Variants in NCOA2 observed in about 807,000 individuals in gnomAD.
NCOA2 encodes the protein nuclear receptor coactivator 2.
Under a neutral mutation model 145.1 loss-of-function variants are expected in NCOA2, and 21 were observed. The observed-to-expected ratio is 0.14, with a 90% CI of 0.10 to 0.21. The LOEUF (loss-of-function observed/expected upper bound fraction) is 0.21, where lower values mean the gene tolerates loss of function less well. NCOA2 is among the 10% of genes least tolerant of loss of function. The pLI is 1.00. For synonymous variants in NCOA2, 619 were observed against 637.5 expected (o/e 0.97, Z 0.44); for missense variants, 1,472 against 1,837.6 (o/e 0.80, Z 3.64).
intron 2 of NCOA2, among the ~76,000 whole-genome samples, chr8:70,269,940 C>T (rs1411870345): frequency 6.6e-6 from 1 of 152,164 alleles, no homozygotes; most frequent in Non-Finnish European, 1.5e-5. Context: ...CTTTAATTGA[C>T]TAACGGCAAC....
At chr8:70,425,659 C>T in the NCOA2 span, among the ~76,000 whole-genome samples, 1 of 152,340 alleles carries the variant, frequency 6.6e-6, no homozygotes, top group South Asian at 2.1e-4. Context: ...GCCTAAATTT[C>T]AACGTCAATC....
At chr8:70,297,375 C>G (rs1281380377) in intron 1 of NCOA2, among the ~76,000 whole-genome samples, 2 of 152,144 alleles carry the variant, frequency 1.3e-5, no homozygotes, top group Non-Finnish European at 2.9e-5. Context: ...GTTCTGCTAC[C>G]CAGGCTGGAA....
At chr8:70,254,120 G>C (rs1422622158) in intron 2 of NCOA2, among the ~76,000 whole-genome samples, 1 of 152,048 alleles carries the variant, frequency 6.6e-6, no homozygotes, top group Non-Finnish European at 1.5e-5. Context: ...CACACAAATG[G>C]GCAAATAAGC....
At chr8:70,282,254 TTATAAA>T in intron 2 of NCOA2, among the ~76,000 whole-genome samples, 1 of 152,294 alleles carries the variant, frequency 6.6e-6, no homozygotes, top group South Asian at 2.1e-4. Flanking sequence ...TACAGATTGA[TTATAAA>T]GATTAATAAA....
At chr8:70,368,663 A>G (rs1191409109) in intron 1 of NCOA2, among the ~76,000 whole-genome samples, 1 of 152,248 alleles carries the variant, frequency 6.6e-6, no homozygotes, top group African/African-American at 2.4e-5. Context: ...TAAGTGTCAC[A>G]TAACAAACTG....
chr8:70,339,771 G>C (rs113951712), intron 1 of NCOA2, among the ~76,000 whole-genome samples: 4,584 of 152,138 alleles, frequency 0.03, 257 homozygotes, highest in African/African-American at 0.1. Flanking sequence ...AGAGAACTCA[G>C]TAATATAACT....
chr8:70,288,865 A>G (rs1021236882), intron 2 of NCOA2, among the ~76,000 whole-genome samples: 1 of 152,232 alleles, frequency 6.6e-6, no homozygotes, highest in Non-Finnish European at 1.5e-5. Context: ...AATTTTGTGA[A>G]TATTTTGAAG....
intron 6 of NCOA2, among the ~76,000 whole-genome samples, chr8:70,169,504 T>C (rs1813991503): frequency 6.6e-6 from 1 of 152,212 alleles, no homozygotes; most frequent in East Asian, 1.9e-4. Flanking sequence ...CAAAATACGC[T>C]GAATCTCAAA....
intron 19 of NCOA2, 76 bp from the exon 20 acceptor site, chr8:70,124,941 A>G (rs1022248685): frequency 1.5e-6 from 2 of 1,337,290 alleles, no homozygotes; most frequent in Non-Finnish European, 2.0e-6. Flanking sequence ...GGGGGAAAGA[A>G]CATTCCAAAT....
chr8:70,331,247 A>G (rs1315963753), intron 1 of NCOA2, among the ~76,000 whole-genome samples: 2 of 151,966 alleles, frequency 1.3e-5, no homozygotes, highest in African/African-American at 4.8e-5. Context: ...ACAACAGCAT[A>G]AAGCTTTCTT....
the NCOA2 span, among the ~76,000 whole-genome samples, chr8:70,451,217 CA>C: frequency 0.16 from 10,503 of 64,864 alleles, 664 homozygotes; most frequent in Middle Eastern, 0.24. Flanking sequence ...GACTCCGTCT[CA>C]AAAAAAAAAA....
At chr8:70,159,242 A>ATATATATATATTTTTTTT in intron 10 of NCOA2, among the ~76,000 whole-genome samples, 1 of 61,076 alleles carries the variant, frequency 1.6e-5, no homozygotes, top group African/African-American at 5.4e-5. Context: ...ATATATATAT[A>ATATATATATATTTTTTTT]TTTTTTTTTT....
At chr8:70,363,603 C>CA (rs1586601193) in intron 1 of NCOA2, among the ~76,000 whole-genome samples, 1 of 151,968 alleles carries the variant, frequency 6.6e-6, no homozygotes, top group East Asian at 1.9e-4. Flanking sequence ...ATACTATCAG[C>CA]AATAAAAAGG....
chr8:70,419,629 C>T, the NCOA2 span, among the ~76,000 whole-genome samples: 3 of 152,072 alleles, frequency 2.0e-5, no homozygotes, highest in South Asian at 6.2e-4. Flanking sequence ...ATGTCCCTTT[C>T]TCATATACTT....
At chr8:70,260,059 T>A (rs1265167687) in intron 2 of NCOA2, among the ~76,000 whole-genome samples, 1 of 152,190 alleles carries the variant, frequency 6.6e-6, no homozygotes, top group Admixed American at 6.5e-5. Context: ...GGAAACAAAG[T>A]TACAACCATA....
intron 21 of NCOA2, 127 bp from the exon 22 acceptor site, chr8:70,121,518 C>T: frequency 1.5e-6 from 1 of 671,620 alleles, no homozygotes; most frequent in Non-Finnish European, 2.7e-6. Context: ...AACTGCAGAA[C>T]AATGGCCTCA....
intron 4 of NCOA2, among the ~76,000 whole-genome samples, chr8:70,179,990 A>T (rs1266704445): frequency 1.3e-5 from 2 of 152,144 alleles, no homozygotes; most frequent in Non-Finnish European, 2.9e-5. Context: ...TCTGTTGCCC[A>T]GGCTGGTCTT....
chr8:70,395,644 T>C (rs1813593448), intron 1 of NCOA2, among the ~76,000 whole-genome samples: 1 of 152,202 alleles, frequency 6.6e-6, no homozygotes, highest in Non-Finnish European at 1.5e-5. Context: ...TTCTGACAAA[T>C]GCTACTACAA....
intron 2 of NCOA2, among the ~76,000 whole-genome samples, chr8:70,279,166 A>C (rs1488683638): frequency 1.3e-5 from 2 of 152,130 alleles, no homozygotes; most frequent in Non-Finnish European, 2.9e-5. Context: ...ATTATTCCAA[A>C]GGCCTTGCTC....
Sources: allele counts gnomAD v4.1 joint callset (sites outside exome capture counted in the v4.1 genomes callset), GRCh38; gene constraint gnomAD v4.1.1; transcripts MANE v1.5; gene names NCBI Gene and HGNC (gene_info 2026-07-23, HGNC 2026-07-21).